The following C17orf78 variants were observed in gnomAD, a reference collection of about 807,000 sequenced individuals.
C17orf78 encodes chromosome 17 open reading frame 78.
A neutral mutation model predicts 31.8 loss-of-function variants in C17orf78; 27 were observed. That is an observed-to-expected ratio of 0.85 (90% CI 0.63 to 1.17). C17orf78 has a LOEUF of 1.17. Ranked by LOEUF, C17orf78 falls within the 50% of genes most tolerant of loss-of-function variation. The probability of loss-of-function intolerance (pLI) is 0.00; values close to 1 mark genes in which losing one functional copy is unlikely to be tolerated. For missense variants in C17orf78, 258 were observed against 315.2 expected (o/e 0.82, Z 1.37); for synonymous variants, 106 against 115.1 (o/e 0.92, Z 0.51).
intron 6 of C17orf78, among the ~76,000 whole-genome samples, chr17:37,389,861 G>A (rs145352740): frequency 5.0e-4 from 76 of 151,350 alleles, no homozygotes; most frequent in African/African-American, 1.7e-3. Flanking sequence ...GAAATAGGTA[G>A]GATTTTATCC....
At position 37,386,098 on chromosome 17, in the gene C17orf78, AAAG is replaced by A. The variant is rs768249035; in HGVS notation, c.485_487del (p.Glu162del). On this transcript the variant is annotated inframe_deletion, in exon 4 of 7. Transcript: ENST00000615133. The stretch of plus-strand genomic sequence containing the variant: ...TGCCCCTTCTATAACTCCTGGGAAT[AAAG>A]AAGGAGAGAAAACTACAAGTACCGG... 9 of 1,591,292 alleles carry A rather than the reference AAAG, an allele frequency of 5.7e-6. No individual in the cohort carries two copies. The highest frequency in any genetic ancestry group is 6.9e-6 in the Non-Finnish European group (8 of 1,162,614).
chr17:37,389,179 AGG>A, intron 5 of C17orf78, 65 bp from the exon 6 acceptor site: 1 of 1,518,010 alleles, frequency 6.6e-7, no homozygotes, highest in South Asian at 1.2e-5. Context: ...GCCCAACAAG[AGG>A]TTTGGAAGAA....
At chr17:37,391,170 A>G (rs2050867681) in intron 6 of C17orf78, among the ~76,000 whole-genome samples, 1 of 152,156 alleles carries the variant, frequency 6.6e-6, no homozygotes, top group South Asian at 2.1e-4. Flanking sequence ...CCCGGGAGGC[A>G]CAGGCTGCGG....
Position 37,376,006 on chromosome 17 carries a change from GT to G in C17orf78, c.-86del. 8.7e-7 allele frequency: 1 copy of G among 1,153,326 alleles called. No homozygotes were observed. Among genetic ancestry groups the G allele is most frequent in the Non-Finnish European group, 1.3e-6 (1 of 771,056 alleles). 71.4% of individuals were successfully genotyped at this position (1,153,326 alleles called of 1,614,324 possible). A position where few individuals can be genotyped will look rare whatever the true frequency, so the allele number is the denominator to read the frequency against. ...GGGTCAAACTTGGTTCCAGCTGCGT[GT>G]GGTGAAAGCAACTAGAGGCAGAGCT... On this transcript the variant is annotated 5_prime_UTR_variant, in exon 1 of 7. Transcript: ENST00000615133.
At chr17:37,389,851 G>A (rs887363110) in intron 6 of C17orf78, among the ~76,000 whole-genome samples, 7 of 151,524 alleles carry the variant, frequency 4.6e-5, no homozygotes, top group Admixed American at 3.3e-4. Flanking sequence ...CTTATGTCAG[G>A]AAATAGGTAG....
chr17:37,390,312 A>ATATATAT (rs1568096128), intron 6 of C17orf78, among the ~76,000 whole-genome samples: 5 of 42,852 alleles, frequency 1.2e-4, no homozygotes, highest in Non-Finnish European at 1.7e-4. Context: ...AATTATATAT[A>ATATATAT]TATATATATA....
At chr17:37,376,909 G>A (rs557937077) in intron 1 of C17orf78, among the ~76,000 whole-genome samples, 1 of 152,156 alleles carries the variant, frequency 6.6e-6, no homozygotes, top group Non-Finnish European at 1.5e-5. Context: ...AGCTGAGATC[G>A]TACCACTGAA....
intron 1 of C17orf78, among the ~76,000 whole-genome samples, chr17:37,376,882 G>C (rs9901992): frequency 0.027 from 4,143 of 152,198 alleles, 119 homozygotes; most frequent in East Asian, 0.062. Flanking sequence ...TTAAACCTGG[G>C]AGGTGAGGTT....
chr17:37,384,137 G>A (rs1168912009), intron 3 of C17orf78, among the ~76,000 whole-genome samples: 2 of 152,154 alleles, frequency 1.3e-5, no homozygotes, highest in East Asian at 1.9e-4. Flanking sequence ...AGTGGTGTGC[G>A]CCTGTTGTCC....
chr17:37,382,903 G>A (rs1366422005), intron 3 of C17orf78, among the ~76,000 whole-genome samples: 2 of 152,016 alleles, frequency 1.3e-5, no homozygotes, highest in African/African-American at 4.8e-5. Context: ...CAGGCATGGA[G>A]GCACGCGCTT....
chr17:37,381,257 C>G (rs1416501308), intron 3 of C17orf78, among the ~76,000 whole-genome samples: 1 of 152,010 alleles, frequency 6.6e-6, no homozygotes, highest in Non-Finnish European at 1.5e-5. Flanking sequence ...GCGATCTCGT[C>G]TCACTGCAAC....
intron 6 of C17orf78, among the ~76,000 whole-genome samples, chr17:37,389,912 G>A (rs564623072): frequency 6.7e-6 from 1 of 150,120 alleles, no homozygotes; most frequent in African/African-American, 2.5e-5. Context: ...ATACAATAGG[G>A]TGCTTATTGA....
chr17:37,389,180 G>A lies in C17orf78; in HGVS notation c.634-66G>A, dbSNP rs2147789680. 1.1e-5 allele frequency: 17 copies of A among 1,523,096 alleles called. 1 individual carries two copies. The South Asian group carries it at 1.8e-4, about 17-fold the overall frequency. The allele number at this position is 1,523,096 out of a possible 1,614,324, so 94.3% of individuals were successfully genotyped here. A position where few individuals can be genotyped will look rare whatever the true frequency, so the allele number is the denominator to read the frequency against. ...GCTTCCTTTAAGTTGCCCAACAAGAGGTTTGGAAGAAAACCAAATGCTTAC... is the reference window on the plus strand; with the variant it reads ...GCTTCCTTTAAGTTGCCCAACAAGAAGTTTGGAAGAAAACCAAATGCTTAC... On this transcript the variant is annotated intron_variant, in intron 5 of 6. Transcript: ENST00000615133.
At position 37,390,330 on chromosome 17, in the gene C17orf78, A is replaced by ATATATATATCTATATATCTATATATC. The variant is rs1386032855; in HGVS notation, c.750+972_750+973insTATATCTATATATCTATATATCTATA. 2.4e-4 allele frequency among the ~76,000 whole-genome samples: 10 copies of ATATATATATCTATATATCTATATATC among 41,592 alleles called. 1 individual carries two copies. The highest frequency in any genetic ancestry group is 1.6e-3 in the East Asian group (1 of 608). 27.3% of individuals were successfully genotyped at this position (41,592 alleles called of 152,430 possible). A position where few individuals can be genotyped will look rare whatever the true frequency, so the allele number is the denominator to read the frequency against. On this transcript the variant is annotated intron_variant, in intron 6 of 6. Transcript: ENST00000615133. ...TATATATATATATATATATATATAT[A>ATATATATATCTATATATCTATATATC]TATAAAAGGCCAGCTGGGCCGGGCA...
At chr17:37,376,301 G>C (rs2050000055) in intron 1 of C17orf78, among the ~76,000 whole-genome samples, 151 bp downstream of exon 1, 1 of 152,160 alleles carries the variant, frequency 6.6e-6, no homozygotes, top group East Asian at 1.9e-4. Context: ...CCTCTAAGAA[G>C]GACTGCAACT....
At chr17:37,391,100 T>C (rs1196453637) in intron 6 of C17orf78, among the ~76,000 whole-genome samples, 2 of 152,012 alleles carry the variant, frequency 1.3e-5, no homozygotes, top group South Asian at 2.1e-4. Flanking sequence ...TAGCCAGGCA[T>C]GGTGGCACAC....
rs938762480 is a variant in C17orf78 at position 37,392,462 on chromosome 17, A to G, written c.*738A>G. 3 of 152,198 alleles carry G rather than the reference A, an allele frequency of 2.0e-5. No homozygotes were observed. The highest frequency in any genetic ancestry group is 4.4e-5 in the Non-Finnish European group (3 of 68,038). The allele number at this position is 152,198 out of a possible 1,614,324, so 9.4% of individuals were successfully genotyped here. A position where few individuals can be genotyped will look rare whatever the true frequency, so the allele number is the denominator to read the frequency against. On this transcript the variant is annotated 3_prime_UTR_variant, in exon 7 of 7. Transcript: ENST00000615133. ...CTCACAGGAGAATAGCTATGAGTCA[A>G]ATCTAACCTGCTTAAATAAGAGTTT...
At chr17:37,379,520 G>A (rs1158642279) in intron 3 of C17orf78, 138 bp downstream of exon 3, 1 of 1,253,972 alleles carries the variant, frequency 8.0e-7, no homozygotes, top group Non-Finnish European at 1.1e-6. Flanking sequence ...TTTTTTTCTT[G>A]TAAATTTGTT....
chr17:37,381,739 T>C, intron 3 of C17orf78, among the ~76,000 whole-genome samples: 1 of 149,950 alleles, frequency 6.7e-6, no homozygotes, highest in East Asian at 2.0e-4. Context: ...GCCATTCTCC[T>C]GCCTCAGCCT....
Sources: gnomAD v4.1 joint callset for allele counts (sites outside exome capture counted in the v4.1 genomes callset) on GRCh38, gnomAD v4.1.1 for gene constraint, MANE v1.5 for transcripts, NCBI Gene and HGNC (gene_info 2026-07-23, HGNC 2026-07-21) for gene names.